The following FTO variants were observed in gnomAD, a reference collection of about 807,000 sequenced individuals.
FTO encodes the protein FTO alpha-ketoglutarate dependent dioxygenase, also known as alpha-ketoglutarate-dependent dioxygenase FTO.
Under a neutral mutation model 63.9 loss-of-function variants are expected in FTO, and 47 were observed. That is an observed-to-expected ratio of 0.74 (90% CI 0.58 to 0.94). FTO has a LOEUF of 0.94. Ranked by LOEUF, FTO falls within the 40% of genes least tolerant of loss-of-function variation. The probability of loss-of-function intolerance (pLI) is 0.00; values close to 1 mark genes in which losing one functional copy is unlikely to be tolerated. For missense variants in FTO, 562 were observed against 618.1 expected, an observed-to-expected ratio of 0.91 and a Z score of 0.96; for synonymous variants, 207 against 224.4, an observed-to-expected ratio of 0.92 and a Z score of 0.69.
intron 8 of FTO, chr16:53,999,988 C>T (rs1175016545): frequency 6.6e-6 from 1 of 152,120 alleles, no homozygotes; most frequent in East Asian, 1.9e-4. Context: ...GACATAAAAT[C>T]AGGGCAAATG....
intron 8 of FTO, among the ~76,000 whole-genome samples, chr16:54,028,115 A>G (rs1273602524): frequency 6.6e-6 from 1 of 152,186 alleles, no homozygotes; most frequent in East Asian, 1.9e-4. Flanking sequence ...TCATAATTCA[A>G]TAGGATTACT....
At chr16:53,896,444 A>G (rs953910797) in intron 7 of FTO, among the ~76,000 whole-genome samples, 3 of 152,086 alleles carry the variant, frequency 2.0e-5, no homozygotes, top group African/African-American at 4.8e-5. Flanking sequence ...GTAGTGTACA[A>G]AATAATAATA....
chr16:53,851,302 A>C (rs959135213), intron 4 of FTO, among the ~76,000 whole-genome samples: 11 of 150,946 alleles, frequency 7.3e-5, no homozygotes, highest in South Asian at 2.1e-4. Context: ...AAAAAAAAAA[A>C]AAAAAAATTA....
chr16:53,797,995 T>C (rs1179687361), intron 1 of FTO, among the ~76,000 whole-genome samples: 1 of 152,144 alleles, frequency 6.6e-6, no homozygotes, highest in Non-Finnish European at 1.5e-5. Flanking sequence ...TGAGATATTT[T>C]TGTGTATGCA....
chr16:53,943,613 A>G (rs985333570), intron 8 of FTO, among the ~76,000 whole-genome samples: 5 of 152,084 alleles, frequency 3.3e-5, no homozygotes, highest in African/African-American at 9.7e-5. Context: ...ACAGATATGA[A>G]CTCTTTTCCT....
rs577258708 is a variant in FTO, at chr16:53,842,382, A to T, written c.752-1773A>T. On this transcript the variant is annotated intron_variant, in intron 3 of 8. Coordinates refer to ENST00000471389, the MANE Select transcript of FTO (RefSeq NM_001080432.3). The stretch of plus-strand genomic sequence containing the variant: ...CACATGCCTGGTGCAATGACCAGTA[A>T]ATAGTAAGTGCTCAATAAATAATTA... Among the ~76,000 whole-genome samples the T allele has an allele frequency of 2.0e-4, 31 of 152,326 alleles. No individual in the cohort carries two copies. In the South Asian group the frequency reaches 6.4e-3, roughly 32 times the overall value.
chr16:53,972,073 A>G (rs2083336228), intron 8 of FTO, among the ~76,000 whole-genome samples: 2 of 152,152 alleles, frequency 1.3e-5, no homozygotes, highest in Non-Finnish European at 2.9e-5. Context: ...TGAGCCAGTC[A>G]TATGGAGACA....
At chr16:53,773,768 A>C (rs1039112118) in intron 1 of FTO, among the ~76,000 whole-genome samples, 6 of 152,138 alleles carry the variant, frequency 3.9e-5, no homozygotes, top group Non-Finnish European at 8.8e-5. Context: ...AACATATTTG[A>C]GCTTTTATGT....
intron 5 of FTO, among the ~76,000 whole-genome samples, chr16:53,876,681 C>T (rs564768123): frequency 2.0e-5 from 3 of 152,314 alleles, no homozygotes; most frequent in South Asian, 2.1e-4. Flanking sequence ...AATCCCAGCA[C>T]TTTAGGAGGC....
chr16:53,815,938 T>C (rs7194276), intron 2 of FTO, among the ~76,000 whole-genome samples: 14,044 of 152,028 alleles, frequency 0.092, 2,029 homozygotes, highest in African/African-American at 0.31. Context: ...TGTGAGCCAC[T>C]GCACCCAGCT....
At chr16:53,941,463 T>G (rs546102067) in intron 8 of FTO, among the ~76,000 whole-genome samples, 1 of 152,340 alleles carries the variant, frequency 6.6e-6, no homozygotes, top group South Asian at 2.1e-4. Flanking sequence ...TAATTATATA[T>G]GGACTTGATT....
At chr16:54,022,803 G>A (rs376021854) in intron 8 of FTO, among the ~76,000 whole-genome samples, 4 of 152,186 alleles carry the variant, frequency 2.6e-5, no homozygotes, top group Admixed American at 1.3e-4. Flanking sequence ...TAATTGCAAC[G>A]AATTGTAATT....
In FTO at chr16:53,778,809, C is replaced by T. The variant is rs184350769; in HGVS notation, c.46-31331C>T. Among the ~76,000 whole-genome samples, 224 of 151,340 alleles carry T rather than the reference C, an allele frequency of 1.5e-3. 1 individual carries two copies. The highest frequency in any genetic ancestry group is 5.1e-3 in the African/African-American group (212 of 41,282). ...AAGCACAGGGAGGATTTTTTTTTAA[C>T]CTGCCTTTGGTGATAATAAATGTTT... On this transcript the variant is annotated intron_variant, in intron 1 of 8. Coordinates refer to ENST00000471389, the MANE Select transcript of FTO (RefSeq NM_001080432.3).
chr16:53,732,341 A>G (rs933012748), intron 1 of FTO, among the ~76,000 whole-genome samples: 6 of 152,156 alleles, frequency 3.9e-5, no homozygotes, highest in Non-Finnish European at 8.8e-5. Context: ...ATGAGCCACC[A>G]TGCCTGGCCC....
chr16:53,732,741 G>C (rs1447151877), intron 1 of FTO, among the ~76,000 whole-genome samples: 1 of 152,152 alleles, frequency 6.6e-6, no homozygotes, highest in African/African-American at 2.4e-5. Context: ...ATAAAGGAGG[G>C]GGGTGGTGGA....
intron 8 of FTO, among the ~76,000 whole-genome samples, chr16:54,074,263 G>A (rs1426494462): frequency 6.6e-6 from 1 of 151,908 alleles, no homozygotes; most frequent in African/African-American, 2.4e-5. Flanking sequence ...ATATTTCTGG[G>A]TTTGCTTTTT....
chr16:54,064,480 G>A (rs1490906293), intron 8 of FTO, among the ~76,000 whole-genome samples: 2 of 152,160 alleles, frequency 1.3e-5, no homozygotes, highest in African/African-American at 4.8e-5. Flanking sequence ...TATTAAAGAT[G>A]TCAATTTGTG....
chr16:54,012,902 G>A (rs562189129), intron 8 of FTO, among the ~76,000 whole-genome samples: 27 of 151,918 alleles, frequency 1.8e-4, no homozygotes, highest in African/African-American at 6.3e-4. Context: ...CAAGAGCTCT[G>A]ATGGAGATAA....
At chr16:53,742,045 TG>T (rs2076539762) in intron 1 of FTO, among the ~76,000 whole-genome samples, 1 of 151,434 alleles carries the variant, frequency 6.6e-6, no homozygotes, top group Admixed American at 6.6e-5. Flanking sequence ...CTGGGGAGAG[TG>T]GGGGGTAGGT....
Sources: allele counts gnomAD v4.1 joint callset (sites outside exome capture counted in the v4.1 genomes callset), GRCh38; gene constraint gnomAD v4.1.1; transcripts MANE v1.5; gene names NCBI Gene and HGNC (gene_info 2026-07-23, HGNC 2026-07-21).